Variants in GALNT13 observed in about 807,000 individuals in gnomAD.
The protein encoded by GALNT13 is UDP-GalNAc:polypeptide N-acetylgalactosaminyltransferase 13.
GALNT13 carries 28 observed loss-of-function variants against 64.2 expected under a neutral mutation model. The observed-to-expected ratio is 0.44, with a 90% confidence interval of 0.32 to 0.60. GALNT13 has a LOEUF of 0.60. Ranked by LOEUF, GALNT13 falls within the 20% of genes least tolerant of loss-of-function variation. The pLI is 0.05. For missense variants in GALNT13, 577 were observed against 669.8 expected (o/e 0.86, Z 1.53); for synonymous variants, 214 against 224.6 (o/e 0.95, Z 0.42).
At chr2:153,426,520 T>C in the GALNT13 span, among the ~76,000 whole-genome samples, 1 of 151,978 alleles carries the variant, frequency 6.6e-6, no homozygotes, top group African/African-American at 2.4e-5. Flanking sequence ...ATCTTTACGG[T>C]CTCAAGAAGA....
the GALNT13 span, among the ~76,000 whole-genome samples, chr2:153,747,291 T>C: frequency 6.6e-6 from 1 of 152,016 alleles, no homozygotes; most frequent in African/African-American, 2.4e-5. Flanking sequence ...TATCAAATAG[T>C]AGGTCATATT....
chr2:153,693,672 A>G, the GALNT13 span, among the ~76,000 whole-genome samples: 3 of 152,044 alleles, frequency 2.0e-5, no homozygotes, highest in Non-Finnish European at 4.4e-5. Context: ...GGGGAGAGAG[A>G]GTACGTGATG....
the GALNT13 span, among the ~76,000 whole-genome samples, chr2:153,258,497 T>G: frequency 6.6e-6 from 1 of 152,212 alleles, no homozygotes; most frequent in Non-Finnish European, 1.5e-5. Context: ...TTCTACAAGT[T>G]TTGCATTTGG....
At chr2:153,963,761 G>GTA (rs1381711579) in intron 3 of GALNT13, among the ~76,000 whole-genome samples, 11 of 150,442 alleles carry the variant, frequency 7.3e-5, no homozygotes, top group Non-Finnish European at 1.5e-4. Context: ...GTGTGTGTGT[G>GTA]TGTGTGTGTG....
At chr2:153,571,260 C>T in the GALNT13 span, among the ~76,000 whole-genome samples, 1 of 151,688 alleles carries the variant, frequency 6.6e-6, no homozygotes, top group Non-Finnish European at 1.5e-5. Context: ...TTCAGATTGT[C>T]CACTGTTGGG....
chr2:153,366,724 C>CGG, the GALNT13 span, among the ~76,000 whole-genome samples: 1 of 59,488 alleles, frequency 1.7e-5, no homozygotes, highest in East Asian at 4.0e-4. Context: ...CACAGGGACA[C>CGG]ACACACACAC....
the GALNT13 span, among the ~76,000 whole-genome samples, chr2:153,760,590 T>A: frequency 6.6e-6 from 1 of 152,118 alleles, no homozygotes; most frequent in Non-Finnish European, 1.5e-5. Context: ...ACACTTGGAT[T>A]AGAAAAAATA....
the GALNT13 span, among the ~76,000 whole-genome samples, chr2:153,707,954 A>G: frequency 6.6e-6 from 1 of 152,106 alleles, no homozygotes; most frequent in Non-Finnish European, 1.5e-5. Context: ...TGAGAAAATT[A>G]ATCTCTTATG....
At chr2:154,067,876 C>A (rs1468033547) in intron 3 of GALNT13, among the ~76,000 whole-genome samples, 1 of 151,950 alleles carries the variant, frequency 6.6e-6, no homozygotes, top group Non-Finnish European at 1.5e-5. Flanking sequence ...TGGGATGTGT[C>A]AAGTTAAAAT....
At chr2:153,787,615 C>G in the GALNT13 span, among the ~76,000 whole-genome samples, 2 of 152,086 alleles carry the variant, frequency 1.3e-5, no homozygotes, top group Non-Finnish European at 2.9e-5. Context: ...AAATACAGAA[C>G]TGGAATTCAG....
intron 3 of GALNT13, among the ~76,000 whole-genome samples, chr2:154,086,982 G>T (rs1701562341): frequency 6.6e-6 from 1 of 151,998 alleles, no homozygotes; most frequent in Non-Finnish European, 1.5e-5. Flanking sequence ...TTCAGCTATT[G>T]TATCGAGTGT....
At chr2:153,668,615 A>C in the GALNT13 span, among the ~76,000 whole-genome samples, 1 of 152,154 alleles carries the variant, frequency 6.6e-6, no homozygotes, top group Admixed American at 6.5e-5. Context: ...GATGAAGGGA[A>C]GGAAGCTGGG....
the GALNT13 span, among the ~76,000 whole-genome samples, chr2:153,225,939 AT>A: frequency 6.0e-4 from 88 of 146,890 alleles, no homozygotes; most frequent in East Asian, 2.4e-3. Flanking sequence ...CCAGCAAGCA[AT>A]TTTTTTTTTT....
At chr2:154,174,757 T>C (rs976610296) in intron 4 of GALNT13, among the ~76,000 whole-genome samples, 1 of 152,166 alleles carries the variant, frequency 6.6e-6, no homozygotes, top group Admixed American at 6.6e-5. Context: ...TTTATGAAAA[T>C]TCAAATCAAC....
chr2:154,317,586 A>G (rs1440343962), intron 9 of GALNT13, among the ~76,000 whole-genome samples: 2 of 152,198 alleles, frequency 1.3e-5, no homozygotes, highest in African/African-American at 4.8e-5. Context: ...TAAAATGGAA[A>G]GAAAATGGAT....
chr2:154,209,350 C>A (rs930098888), intron 4 of GALNT13, among the ~76,000 whole-genome samples: 1 of 152,054 alleles, frequency 6.6e-6, no homozygotes, highest in African/African-American at 2.4e-5. Flanking sequence ...TTCTTCCAAG[C>A]AAAATGCTTG....
the GALNT13 span, among the ~76,000 whole-genome samples, chr2:153,624,071 G>A: frequency 6.6e-6 from 1 of 152,076 alleles, no homozygotes; most frequent in Non-Finnish European, 1.5e-5. Context: ...GGGTGAGGGA[G>A]TTGGTTATGA....
At chr2:153,893,569 C>CAT (rs1687695542) in intron 1 of GALNT13, among the ~76,000 whole-genome samples, 2 of 151,508 alleles carry the variant, frequency 1.3e-5, no homozygotes, top group African/African-American at 4.8e-5. Flanking sequence ...TATATAGGCA[C>CAT]ATGTATTTAC....
chr2:153,487,940 G>T, the GALNT13 span, among the ~76,000 whole-genome samples: 2 of 152,174 alleles, frequency 1.3e-5, no homozygotes, highest in Non-Finnish European at 2.9e-5. Flanking sequence ...ACTAAAAAAA[G>T]TCAGATTTGC....
Sources: gnomAD v4.1 joint callset for allele counts (sites outside exome capture counted in the v4.1 genomes callset) on GRCh38, gnomAD v4.1.1 for gene constraint, MANE v1.5 for transcripts, NCBI Gene and HGNC (gene_info 2026-07-23, HGNC 2026-07-21) for gene names.